Variants in RYR1 observed in about 807,000 individuals in gnomAD.
RYR1 encodes the protein central core disease of muscle.
Under a neutral mutation model 583.5 loss-of-function variants are expected in RYR1, and 342 were observed. The ratio of observed to expected loss-of-function variants is 0.59; its 90% CI spans 0.54 to 0.64. The LOEUF is 0.64. Ranked by LOEUF, RYR1 falls within the 30% of genes least tolerant of loss-of-function variation. The probability of loss-of-function intolerance (pLI) is 0.00; values close to 1 mark genes in which losing one functional copy is unlikely to be tolerated. For missense variants in RYR1, 6,032 were observed against 6,917.2 expected, an observed-to-expected ratio of 0.87 and a Z score of 4.54; for synonymous variants, 2,791 against 2,822.5, an observed-to-expected ratio of 0.99 and a Z score of 0.35.
rs746789089 is a variant in RYR1, at chr19:38,455,750, A to G, written c.1790A>G (p.Lys597Arg). ...CTGGACAAGCATGGGAGGAACCACA[A>G]GGTCGGCCCCTCACCCCTGACCTCT... Reference protein sequence around the residue: ...SLLDKHGRNHKVLDVLCSLCV... With the variant: ...SLLDKHGRNHRVLDVLCSLCV... The change falls in exon 16 of 106, where the codon AAG (lysine) becomes AGG (arginine). Residue 597 changes from lysine (K) to arginine (R), a missense_variant and splice_region_variant. By Grantham distance (26) the Lys-to-Arg change is conservative. Transcript: ENST00000359596. 6 of 1,592,058 alleles carry G rather than the reference A, an allele frequency of 3.8e-6. No individual in the cohort carries two copies. The Admixed American group carries it at 1.0e-4, about 27-fold the overall frequency.
At chr19:38,469,558 T>G in intron 27 of RYR1, 45 bp downstream of exon 27, 1 of 1,559,632 alleles carries the variant, frequency 6.4e-7, no homozygotes, top group Non-Finnish European at 8.8e-7. Context: ...CCTCCAAAGC[T>G]CCTTCCTTCC....
chr19:38,544,166 GT>G (rs1011744688), intron 87 of RYR1, among the ~76,000 whole-genome samples: 1 of 152,160 alleles, frequency 6.6e-6, no homozygotes, highest in Non-Finnish European at 1.5e-5. Flanking sequence ...ATTGATTGCT[GT>G]TTTTCTCTCT....
rs1165820594 is a variant in RYR1, at chr19:38,499,152, G to A, written c.6936G>A (p.Met2312Ile). Residue 2312 changes from methionine (M) to isoleucine (I), a missense_variant, in exon 43 of 106, where the codon ATG (methionine) becomes ATA (isoleucine). Around this residue, in one of 11 missense-constraint regions of RYR1, gnomAD observed 2,627 missense variants for 2,961.3 expected, o/e 0.89. Transcript: ENST00000359596. The surrounding 1 kb of genome is among the most constrained non-coding windows in gnomAD (Gnocchi z 7.3). ...GCTGTGGCCTCCAGAGCTGCCCCAT[G>A]CTTGTGGCCAAAGGGTACCCAGACA... is the stretch of plus-strand genomic sequence containing the variant. ...LAGCGLQSCP[M>I]LVAKGYPDIG... is the part of the protein sequence containing the mutation. 1 of 1,614,166 alleles carries A rather than the reference G, an allele frequency of 6.2e-7. No individual in the cohort carries two copies. Among genetic ancestry groups the A allele is most frequent in the South Asian group, 1.1e-5 (1 of 91,092 alleles).
chr19:38,443,597 C>T lies in RYR1; in HGVS notation c.310C>T (p.His104Tyr), dbSNP rs1600640428. The T allele has an allele frequency of 6.2e-7, 1 of 1,614,114 alleles. No homozygotes were observed. Among genetic ancestry groups the T allele is most frequent in the Non-Finnish European group, 8.5e-7 (1 of 1,180,008 alleles). ...GGGACACAGGACGCTCCTGTATGGC[C>T]ATGCCATCCTGCTCCGGCATGCACA... ...GGGHRTLLYGHAILLRHAHSR... is the reference protein window; with the variant it reads ...GGGHRTLLYGYAILLRHAHSR... Residue 104 changes from histidine (H) to tyrosine (Y), a missense_variant, in exon 4 of 106, where the codon CAT becomes TAT. Physicochemically the swap from His to Tyr is moderately conservative, Grantham distance 83. Around this residue, in one of 11 missense-constraint regions of RYR1, gnomAD observed 338 missense variants for 441.6 expected, o/e 0.77. Coordinates refer to ENST00000359596, the MANE Select transcript of RYR1 (RefSeq NM_000540.3).
rs771197643 is a variant in RYR1 at position 38,499,082 on chromosome 19, TCTGA to T, written c.6892-21_6892-18del. 29 of 1,613,210 alleles carry T rather than the reference TCTGA, an allele frequency of 1.8e-5. 1 individual carries two copies. The highest frequency in any genetic ancestry group is 2.7e-5 in the African/African-American group (2 of 74,918). ...GGAGGAAGGTGGCATGGGTCTGGTC[TCTGA>T]CTGAGCCCCTTCTGCCCCCAGGTTG... On this transcript the variant is annotated intron_variant, in intron 42 of 105. Transcript: ENST00000359596. The surrounding 1 kb of genome is among the most constrained non-coding windows in gnomAD (Gnocchi z 7.3).
chr19:38,519,585 TC>T lies in RYR1; in HGVS notation c.10259+133del, dbSNP rs1971132199. On this transcript the variant is annotated intron_variant, in intron 67 of 105. Coordinates refer to ENST00000359596, the MANE Select transcript of RYR1 (RefSeq NM_000540.3). The stretch of plus-strand genomic sequence containing the variant: ...CTGGCCCCACCAACCTTCTGACTCT[TC>T]CTCCTGGTTTCTTCTGGCTTTGAGC... The T allele has an allele frequency of 4.7e-6, 5 of 1,056,234 alleles. No individual in the cohort carries two copies. In the African/African-American group the frequency reaches 7.8e-5, roughly 17 times the overall value. The allele number at this position is 1,056,234 out of a possible 1,614,324, so 65.4% of individuals were successfully genotyped here.
At chr19:38,487,282 G>A (rs921153819) in intron 34 of RYR1, among the ~76,000 whole-genome samples, 1 of 152,008 alleles carries the variant, frequency 6.6e-6, no homozygotes, top group Non-Finnish European at 1.5e-5. Context: ...TCCATCCCTT[G>A]TATCATGTAC....
chr19:38,463,070 G>A (rs1365646354), intron 20 of RYR1, among the ~76,000 whole-genome samples: 1 of 118,434 alleles, frequency 8.4e-6, no homozygotes, highest in Non-Finnish European at 1.6e-5. Context: ...CTAATTTTTT[G>A]TATTTTTAGA....
chr19:38,471,895 G>A (rs1568467992), intron 27 of RYR1, among the ~76,000 whole-genome samples: 1 of 113,254 alleles, frequency 8.8e-6, no homozygotes, highest in Admixed American at 1.0e-4. Flanking sequence ...GCGAGACTCT[G>A]TCTCAAAAAA....
In RYR1 at chr19:38,500,685, G is replaced by A. The variant is rs146252940; in HGVS notation, c.7403G>A (p.Gly2468Asp). ...RSLVPLEDLV[G>D]IISLPLQIPT... ...CTTGTGCCCTTGGAGGACCTTGTGG[G>A]CATCATCAGCCTCCCACTGCAGATT... Residue 2468 changes from glycine (G) to aspartate (D), a missense_variant, in exon 46 of 106, where the codon GGC (glycine) becomes GAC (aspartate). Gly to Asp is a moderately conservative substitution (Grantham distance 94). This residue lies in a region of RYR1 where 2,627 missense variants were observed against 2,961.3 expected (regional missense o/e 0.89). Coordinates refer to ENST00000359596, the MANE Select transcript of RYR1 (RefSeq NM_000540.3). This position sits in a 1 kb window ranked among gnomAD's most constrained non-coding sequence, Gnocchi z 5.9. The A allele has an allele frequency of 1.2e-6, 2 of 1,614,006 alleles. No homozygotes were observed. The highest frequency in any genetic ancestry group is 1.3e-5 in the African/African-American group (1 of 74,928).
chr19:38,475,600 C>T, intron 29 of RYR1, 150 bp downstream of exon 29: 4 of 1,029,510 alleles, frequency 3.9e-6, no homozygotes, highest in South Asian at 2.8e-5. Context: ...ATATGGCACA[C>T]ACAGATTTAA....
At position 38,490,183 on chromosome 19, in the gene RYR1, G is replaced by C; in HGVS notation, c.5922G>C (p.Arg1974=). 1.2e-6 allele frequency: 2 copies of C among 1,614,204 alleles called. No homozygotes were observed. The highest frequency in any genetic ancestry group is 1.7e-6 in the Non-Finnish European group (2 of 1,180,044). Residue 1974 remains arginine (R), a synonymous_variant, in exon 36 of 106, where the codon CGG becomes CGC. Transcript: ENST00000359596. The part of the protein sequence containing the change: ...RYVDKLQANQ[R]SRYGLLIKAF... The stretch of plus-strand genomic sequence containing the variant: ...TGGACAAGCTCCAGGCCAACCAGCG[G>C]AGCCGCTATGGCCTCCTCATAAAAG...
At chr19:38,460,617 C>G in intron 20 of RYR1, 26 bp downstream of exon 20, 1 of 1,596,012 alleles carries the variant, frequency 6.3e-7, no homozygotes, top group South Asian at 1.1e-5. Context: ...CAAAGGTTTT[C>G]TGGCGAGGCA....
chr19:38,540,944 T>C (rs919483387), intron 84 of RYR1, among the ~76,000 whole-genome samples: 1 of 151,660 alleles, frequency 6.6e-6, no homozygotes, highest in Non-Finnish European at 1.5e-5. Context: ...AATCATATAC[T>C]ACAGTGTAAT....
At position 38,510,749 on chromosome 19, in the gene RYR1, C is replaced by T. The variant is rs767704607; in HGVS notation, c.9090C>T (p.His3030=). The part of the protein sequence containing the change: ...TPAKVLGSGG[H]ASNKEKEMIT... ...CTAAAGTGCTGGGCAGCGGTGGCCACGCCTCTAACAAGGAGAAGGAAATGA... is the reference window on the plus strand; with the variant it reads ...CTAAAGTGCTGGGCAGCGGTGGCCATGCCTCTAACAAGGAGAAGGAAATGA... Residue 3030 remains histidine, a synonymous_variant, in exon 60 of 106, where the codon CAC becomes CAT. Transcript: ENST00000359596. 66 of 1,614,084 alleles carry T rather than the reference C, an allele frequency of 4.1e-5. No homozygotes were observed. The highest frequency in any genetic ancestry group is 3.3e-4 in the African/African-American group (25 of 74,920).
chr19:38,455,711 C>T lies in RYR1; in HGVS notation c.1751C>T (p.Ser584Phe). ...LNIIQENHIK[S>F]IISLLDKHGR... ...ATCATCCAGGAGAATCACATCAAGT[C>T]CATCATCTCCCTCCTGGACAAGCAT... is the stretch of plus-strand genomic sequence containing the variant. Residue 584 changes from serine to phenylalanine, a missense_variant, in exon 16 of 106, where the codon TCC (serine) becomes TTC (phenylalanine). Coordinates refer to ENST00000359596, the MANE Select transcript of RYR1 (RefSeq NM_000540.3). The T allele has an allele frequency of 6.2e-7, 1 of 1,613,420 alleles. No homozygotes were observed. The highest frequency in any genetic ancestry group is 2.2e-5 in the East Asian group (1 of 44,868).
At chr19:38,562,459 A>G (rs1022157433) in intron 90 of RYR1, among the ~76,000 whole-genome samples, 6 of 151,984 alleles carry the variant, frequency 3.9e-5, no homozygotes, top group Non-Finnish European at 8.8e-5. Context: ...TGTTCCTCAG[A>G]TGCCGCCAGG....
intron 89 of RYR1, among the ~76,000 whole-genome samples, chr19:38,551,042 T>C (rs1972644837): frequency 1.3e-5 from 1 of 78,676 alleles, no homozygotes; most frequent in African/African-American, 7.9e-5. Context: ...TTTTTTTTTT[T>C]TTTTTTTTTT....
rs573302170 is a variant in RYR1 at position 38,461,769 on chromosome 19, A to C, written c.2577+1178A>C. 6.1e-5 allele frequency among the ~76,000 whole-genome samples: 9 copies of C among 147,998 alleles called. No individual in the cohort carries two copies. The South Asian group carries it at 1.9e-3, about 32-fold the overall frequency. The stretch of plus-strand genomic sequence containing the variant: ...AGGGAGAGAGAGAGAGAAAGAAAGA[A>C]AAAGGCTGGGTGTGGTGGCTCATGC... On this transcript the variant is annotated intron_variant, in intron 20 of 105. Transcript: ENST00000359596.
Sources: allele counts gnomAD v4.1 joint callset (sites outside exome capture counted in the v4.1 genomes callset), GRCh38; gene constraint gnomAD v4.1.1; regional missense constraint gnomAD v4.1.1; non-coding constraint Gnocchi (gnomAD v3.1); transcripts MANE v1.5; gene names NCBI Gene and HGNC (gene_info 2026-07-23, HGNC 2026-07-21).